The following MALRD1 variants were observed in gnomAD, a reference collection of about 807,000 sequenced individuals.
The protein encoded by MALRD1 is MAM and LDL receptor class A domain containing 1, also known as MAM and LDL-receptor class A domain-containing protein 1.
Under a neutral mutation model 242.1 loss-of-function variants are expected in MALRD1, and 247 were observed. The observed-to-expected ratio is 1.02, with a 90% CI of 0.92 to 1.13. The LOEUF (loss-of-function observed/expected upper bound fraction) is 1.13, where lower values mean the gene tolerates loss of function less well. MALRD1 is among the 50% of genes most tolerant of loss of function. The probability of loss-of-function intolerance (pLI) is 0.00; values close to 1 mark genes in which losing one functional copy is unlikely to be tolerated. For missense variants in MALRD1, 2,989 were observed against 2,533.1 expected, an observed-to-expected ratio of 1.18 and a Z score of -3.86; for synonymous variants, 995 against 866.6, an observed-to-expected ratio of 1.15 and a Z score of -2.60.
intron 38 of MALRD1, among the ~76,000 whole-genome samples, chr10:19,729,866 A>G: frequency 1.3e-5 from 2 of 148,694 alleles, no homozygotes; most frequent in Admixed American, 6.8e-5. Flanking sequence ...CCTCCCAAGT[A>G]GCTGGGACTA....
At chr10:19,086,274 T>C (rs1418405687) in intron 2 of MALRD1, among the ~76,000 whole-genome samples, 2 of 152,080 alleles carry the variant, frequency 1.3e-5, no homozygotes, top group African/African-American at 4.8e-5. Context: ...ATTCTTTTAA[T>C]GATGTGACAA....
chr10:19,594,482 C>G (rs968422720), intron 33 of MALRD1, among the ~76,000 whole-genome samples: 1 of 152,146 alleles, frequency 6.6e-6, no homozygotes, highest in Non-Finnish European at 1.5e-5. Context: ...AATCTCACTA[C>G]TGGGTATCTA....
intron 18 of MALRD1, among the ~76,000 whole-genome samples, chr10:19,253,446 A>C (rs1839380567): frequency 6.6e-6 from 1 of 151,960 alleles, no homozygotes; most frequent in Non-Finnish European, 1.5e-5. Context: ...TTAGGTGAGC[A>C]GTTCTATGAA....
intron 18 of MALRD1, among the ~76,000 whole-genome samples, chr10:19,221,768 T>C (rs1220495124): frequency 6.6e-6 from 1 of 152,054 alleles, no homozygotes; most frequent in Non-Finnish European, 1.5e-5. Flanking sequence ...TAGAATATTA[T>C]TATGGGTCAT....
chr10:19,518,830 C>T (rs1833753738), intron 31 of MALRD1, among the ~76,000 whole-genome samples: 1 of 152,166 alleles, frequency 6.6e-6, no homozygotes, highest in Non-Finnish European at 1.5e-5. Flanking sequence ...TGGCAATTGC[C>T]ATTCATGAAT....
intron 33 of MALRD1, among the ~76,000 whole-genome samples, chr10:19,571,210 T>A (rs1316270241): frequency 6.6e-6 from 1 of 152,174 alleles, no homozygotes. Flanking sequence ...GCTGTTCTGC[T>A]AGTAGTTCAG....
Position 19,604,781 on chromosome 10 carries a change from G to A in MALRD1, c.5945-2996G>A, listed in dbSNP as rs961985007. The stretch of plus-strand genomic sequence containing the variant: ...TTATTTTTTTAGGCATTAGGCTGTT[G>A]CACATTTAATTGACTAAGGTATAGT... On this transcript the variant is annotated intron_variant, in intron 34 of 39. Coordinates refer to ENST00000454679, the MANE Select transcript of MALRD1 (RefSeq NM_001142308.3). Among the ~76,000 whole-genome samples the A allele has an allele frequency of 5.9e-5, 9 of 152,190 alleles. No homozygotes were observed. The South Asian group carries it at 1.9e-3, about 32-fold the overall frequency.
At chr10:19,123,824 T>C (rs1039210603) in intron 6 of MALRD1, among the ~76,000 whole-genome samples, 2 of 152,194 alleles carry the variant, frequency 1.3e-5, no homozygotes, top group Non-Finnish European at 2.9e-5. Context: ...GTTTCTTCTA[T>C]AAAATTTCAG....
chr10:19,658,475 A>G (rs1049355082), intron 36 of MALRD1, among the ~76,000 whole-genome samples: 1 of 152,224 alleles, frequency 6.6e-6, no homozygotes, highest in Non-Finnish European at 1.5e-5. Context: ...CTGGTAGTCT[A>G]GTGGTTAGGA....
chr10:19,662,295 A>C (rs1335177405), intron 36 of MALRD1, among the ~76,000 whole-genome samples: 2 of 152,176 alleles, frequency 1.3e-5, no homozygotes, highest in Non-Finnish European at 2.9e-5. Flanking sequence ...AATGGAAGTT[A>C]AAGGACCTTT....
intron 33 of MALRD1, among the ~76,000 whole-genome samples, chr10:19,579,012 C>T (rs1836970515): frequency 1.3e-5 from 2 of 152,090 alleles, no homozygotes; most frequent in Admixed American, 6.6e-5. Flanking sequence ...TTCATGTAAA[C>T]CTCTTTCTTT....
intron 34 of MALRD1, among the ~76,000 whole-genome samples, chr10:19,597,865 A>G (rs537603109): frequency 1.8e-4 from 27 of 152,228 alleles, no homozygotes; most frequent in Non-Finnish European, 3.1e-4. Context: ...GGAAAGACAA[A>G]TAGTCATTGG....
chr10:19,380,268 G>A (rs1294236007), intron 26 of MALRD1, among the ~76,000 whole-genome samples: 3 of 113,932 alleles, frequency 2.6e-5, no homozygotes, highest in African/African-American at 7.1e-5. Flanking sequence ...AGCCACTGCG[G>A]CCAGCCTTCT....
chr10:19,527,265 A>G (rs942975008), intron 31 of MALRD1, among the ~76,000 whole-genome samples: 1 of 152,200 alleles, frequency 6.6e-6, no homozygotes, highest in African/African-American at 2.4e-5. Flanking sequence ...AGGATGGAGC[A>G]TTTGGTTAGA....
chr10:19,496,055 A>G (rs189009251), intron 30 of MALRD1, among the ~76,000 whole-genome samples: 2 of 152,348 alleles, frequency 1.3e-5, no homozygotes, highest in East Asian at 1.9e-4. Context: ...ACACAGGAGT[A>G]CCCATATTCA....
At chr10:19,169,455 A>T (rs1183950353) in intron 13 of MALRD1, among the ~76,000 whole-genome samples, 1 of 152,218 alleles carries the variant, frequency 6.6e-6, no homozygotes, top group African/African-American at 2.4e-5. Flanking sequence ...ACAGAGAGAA[A>T]CAAATACCTA....
At chr10:19,486,007 G>C (rs1372734379) in intron 29 of MALRD1, among the ~76,000 whole-genome samples, 1 of 151,942 alleles carries the variant, frequency 6.6e-6, no homozygotes, top group Non-Finnish European at 1.5e-5. Flanking sequence ...AAAATATTGT[G>C]TATATGTTAT....
At chr10:19,150,636 T>C (rs1488524585) in intron 11 of MALRD1, among the ~76,000 whole-genome samples, 2 of 152,198 alleles carry the variant, frequency 1.3e-5, no homozygotes, top group African/African-American at 4.8e-5. Flanking sequence ...TTGTTTCCCC[T>C]CTCTCAGAGA....
At chr10:19,489,018 C>A in intron 29 of MALRD1, 1 of 456,232 alleles carries the variant, frequency 2.2e-6, no homozygotes, top group Non-Finnish European at 4.4e-6. Flanking sequence ...CCCACCATCC[C>A]CCGCCAGGGG....
Sources: gnomAD v4.1 joint callset for allele counts (sites outside exome capture counted in the v4.1 genomes callset) on GRCh38, gnomAD v4.1.1 for gene constraint, MANE v1.5 for transcripts, NCBI Gene and HGNC (gene_info 2026-07-23, HGNC 2026-07-21) for gene names.